The following RALGAPA2 variants were observed in gnomAD, a reference collection of about 807,000 sequenced individuals.
RALGAPA2 encodes ral GTPase-activating protein subunit alpha-2.
Under a neutral mutation model 230.4 loss-of-function variants are expected in RALGAPA2, and 139 were observed. The observed-to-expected ratio is 0.60, with a 90% CI of 0.53 to 0.69. The LOEUF (loss-of-function observed/expected upper bound fraction) is 0.69, where lower values mean the gene tolerates loss of function less well. RALGAPA2 is among the 30% of genes least tolerant of loss of function. The pLI, the probability that RALGAPA2 is intolerant of heterozygous loss-of-function variation, is 0.00. For synonymous variants in RALGAPA2, 847 were observed against 837.8 expected, an observed-to-expected ratio of 1.01 and a Z score of -0.19; for missense variants, 2,163 against 2,276.0, an observed-to-expected ratio of 0.95 and a Z score of 1.01.
intron 13 of RALGAPA2, among the ~76,000 whole-genome samples, chr20:20,614,239 A>C (rs770820797): frequency 8.5e-5 from 13 of 152,174 alleles, no homozygotes; most frequent in Non-Finnish European, 1.5e-4. Context: ...CGAGTTCTAC[A>C]ATTTTTCTTT....
chr20:20,462,875 G>C (rs1389986908), intron 37 of RALGAPA2, among the ~76,000 whole-genome samples: 13 of 152,200 alleles, frequency 8.5e-5, no homozygotes, highest in Admixed American at 8.5e-4. Flanking sequence ...TTGAATAACA[G>C]AAAGTCTCAC....
chr20:20,553,820 C>T (rs1048844451), intron 23 of RALGAPA2, among the ~76,000 whole-genome samples: 2 of 152,170 alleles, frequency 1.3e-5, no homozygotes, highest in Non-Finnish European at 2.9e-5. Context: ...AACTGCTTAT[C>T]TACAAAGAAA....
At chr20:20,558,145 C>T (rs1369083565) in intron 23 of RALGAPA2, among the ~76,000 whole-genome samples, 1 of 152,154 alleles carries the variant, frequency 6.6e-6, no homozygotes, top group African/African-American at 2.4e-5. Flanking sequence ...GCTGGGATTA[C>T]AGGCATCCGC....
At chr20:20,416,259 C>T (rs2060162788) in intron 37 of RALGAPA2, among the ~76,000 whole-genome samples, 1 of 152,136 alleles carries the variant, frequency 6.6e-6, no homozygotes, top group African/African-American at 2.4e-5. Context: ...GGTTTTGTTG[C>T]AGAAAGAATG....
intron 36 of RALGAPA2, among the ~76,000 whole-genome samples, chr20:20,473,801 G>T (rs1340472801): frequency 1.3e-5 from 2 of 152,070 alleles, no homozygotes; most frequent in South Asian, 4.1e-4. Context: ...CATGCAGATT[G>T]TAAGTTCCAT....
In RALGAPA2 at chr20:20,611,419, T is replaced by C. The variant is rs1478866511; in HGVS notation, c.1696A>G (p.Met566Val). 1.2e-6 allele frequency: 2 copies of C among 1,612,208 alleles called. No homozygotes were observed. The highest frequency in any genetic ancestry group is 1.3e-5 in the African/African-American group (1 of 74,906). Residue 566 changes from methionine (M) to valine (V), a missense_variant, in exon 14 of 40, where the codon ATG becomes GTG. Met to Val is a conservative substitution (Grantham distance 21). Transcript: ENST00000202677. ...LTMNKKTWEQ[M>V]LQILLRITEA... ...GTTATCCTGAGTAGTATTTGCAACATCTGTTCCCTGGGCCACCCAAAATAA... is the reference window on the plus strand; with the variant it reads ...GTTATCCTGAGTAGTATTTGCAACACCTGTTCCCTGGGCCACCCAAAATAA...
chr20:20,470,025 C>T (rs2061503962), intron 37 of RALGAPA2, among the ~76,000 whole-genome samples: 2 of 152,200 alleles, frequency 1.3e-5, no homozygotes, highest in South Asian at 4.1e-4. Flanking sequence ...GGGTGCTTTC[C>T]AAAGATACCC....
intron 26 of RALGAPA2, among the ~76,000 whole-genome samples, chr20:20,533,926 A>C (rs972098290): frequency 3.3e-5 from 5 of 152,162 alleles, no homozygotes; most frequent in African/African-American, 9.7e-5. Flanking sequence ...TATAACCTTA[A>C]AGGTAAGATT....
Position 20,513,192 on chromosome 20 carries a change from C to T in RALGAPA2, c.4177G>A (p.Gly1393Arg), listed in dbSNP as rs780302210. 8 of 1,527,602 alleles carry T rather than the reference C, an allele frequency of 5.2e-6. No homozygotes were observed. Among genetic ancestry groups the T allele is most frequent in the Non-Finnish European group, 7.0e-6 (8 of 1,141,168 alleles). The allele number at this position is 1,527,602 out of a possible 1,614,324, so 94.6% of individuals were successfully genotyped here. Residue 1393 changes from glycine (G) to arginine (R), a missense_variant, in exon 32 of 40, where the codon GGG becomes AGG. Physicochemically the swap from Gly to Arg is moderately radical, Grantham distance 125 (BLOSUM62 -2). Coordinates refer to ENST00000202677, the MANE Select transcript of RALGAPA2 (RefSeq NM_020343.4). ...VNHLGHYPLS[G>R]GPAILHSLVS... is the part of the protein sequence containing the mutation. ...AGGCTGTGCAGTATGGCAGGGCCCC[C>T]ACTGAGGGGGTAGTGCCCCAGGTGG...
chr20:20,419,370 C>T (rs1028507429), intron 37 of RALGAPA2, among the ~76,000 whole-genome samples: 2 of 152,130 alleles, frequency 1.3e-5, no homozygotes, highest in African/African-American at 2.4e-5. Flanking sequence ...AGCTTCAAGT[C>T]GAAGGTTGAT....
chr20:20,566,814 T>C (rs2064442301), intron 23 of RALGAPA2, among the ~76,000 whole-genome samples: 1 of 152,214 alleles, frequency 6.6e-6, no homozygotes, highest in Admixed American at 6.5e-5. Flanking sequence ...TCTTAACCAA[T>C]ACACTTTATC....
intron 1 of RALGAPA2, among the ~76,000 whole-genome samples, chr20:20,691,433 G>A (rs576639109): frequency 6.6e-6 from 1 of 152,232 alleles, no homozygotes; most frequent in East Asian, 1.9e-4. Context: ...TCAGAGCACA[G>A]GCCATGTACG....
chr20:20,596,352 A>C (rs16982011), intron 16 of RALGAPA2, among the ~76,000 whole-genome samples: 1 of 152,252 alleles, frequency 6.6e-6, no homozygotes, highest in Non-Finnish European at 1.5e-5. Flanking sequence ...CAAAATTAGC[A>C]ATCATGTTAA....
intron 23 of RALGAPA2, among the ~76,000 whole-genome samples, chr20:20,565,834 C>G (rs1312773872): frequency 6.6e-6 from 1 of 152,158 alleles, no homozygotes; most frequent in East Asian, 1.9e-4. Flanking sequence ...TTGCCAGTGA[C>G]CAGCACAGCA....
chr20:20,683,839 C>T (rs2068606318), intron 1 of RALGAPA2, among the ~76,000 whole-genome samples: 1 of 152,198 alleles, frequency 6.6e-6, no homozygotes, highest in African/African-American at 2.4e-5. Context: ...CTTGCCTCTT[C>T]CTGTATATAA....
intron 23 of RALGAPA2, among the ~76,000 whole-genome samples, chr20:20,568,823 G>A (rs1486574798): frequency 6.6e-6 from 1 of 152,106 alleles, no homozygotes; most frequent in Non-Finnish European, 1.5e-5. Context: ...ACCCACCTTG[G>A]ATTTTATTTG....
intron 31 of RALGAPA2, among the ~76,000 whole-genome samples, chr20:20,520,247 G>A (rs1361025376): frequency 6.6e-6 from 1 of 152,088 alleles, no homozygotes; most frequent in Non-Finnish European, 1.5e-5. Flanking sequence ...GCATTTGTGT[G>A]TGTGTGTGTG....
chr20:20,426,437 A>T (rs2060383903), intron 37 of RALGAPA2, among the ~76,000 whole-genome samples: 1 of 152,222 alleles, frequency 6.6e-6, no homozygotes, highest in South Asian at 2.1e-4. Flanking sequence ...GTTGAAAATA[A>T]TGAGTCTTGA....
chr20:20,465,765 T>C (rs546987598), intron 37 of RALGAPA2, among the ~76,000 whole-genome samples: 98 of 152,300 alleles, frequency 6.4e-4, no homozygotes, highest in African/African-American at 2.3e-3. Context: ...GGGCAGCTCC[T>C]ACCCCAGGGA....
Sources: gnomAD v4.1 joint callset for allele counts (sites outside exome capture counted in the v4.1 genomes callset) on GRCh38, gnomAD v4.1.1 for gene constraint, MANE v1.5 for transcripts, NCBI Gene and HGNC (gene_info 2026-07-23, HGNC 2026-07-21) for gene names.